CYFIP1: variants seen among roughly 807,000 people sequenced by gnomAD.
CYFIP1 encodes the protein cytoplasmic FMR1 interacting protein 1.
CYFIP1 carries 58 observed loss-of-function variants against 163.5 expected under a neutral mutation model. The observed-to-expected ratio is 0.35, with a 90% confidence interval of 0.29 to 0.44. CYFIP1 has a LOEUF of 0.44. Among genes scored for constraint, CYFIP1 ranks in the 20% least tolerant of loss-of-function variants. CYFIP1 has a pLI of 1.00. For synonymous variants in CYFIP1, 663 were observed against 660.7 expected (o/e 1.00, Z -0.05); for missense variants, 1,338 against 1,653.8 (o/e 0.81, Z 3.31).
intron 1 of CYFIP1, among the ~76,000 whole-genome samples, chr15:22,959,677 C>T (rs989106781): frequency 2.0e-5 from 3 of 152,192 alleles, no homozygotes; most frequent in Admixed American, 1.3e-4. Context: ...AACTGGCTGC[C>T]ACCCACCTTG....
chr15:22,875,272 C>CT lies in CYFIP1; in HGVS notation c.3043-2dup, dbSNP rs773475303. The CT allele has an allele frequency of 6.2e-7, 1 of 1,613,992 alleles. No homozygotes were observed. The highest frequency in any genetic ancestry group is 1.3e-5 in the African/African-American group (1 of 75,048). On this transcript the variant is annotated splice_acceptor_variant, in intron 26 of 30. Coordinates refer to ENST00000617928, the MANE Select transcript of CYFIP1 (RefSeq NM_014608.6). LOFTEE classifies it high-confidence loss of function. ...GCAGGTCACACACTTCTTCTAAAGA[C>CT]TAGAGCAGAGAAAGAGAGGGTCAAG...
intron 23 of CYFIP1, among the ~76,000 whole-genome samples, chr15:22,886,748 A>C (rs1166587291): frequency 6.6e-6 from 1 of 152,112 alleles, no homozygotes; most frequent in Non-Finnish European, 1.5e-5. Context: ...AAAAACGTAT[A>C]TATTCTGCTG....
rs771436053 is a variant in CYFIP1, at chr15:22,882,928, A to G, written c.2760T>C (p.Leu920=). 6.2e-7 allele frequency: 1 copy of G among 1,613,968 alleles called. No individual in the cohort carries two copies. The highest frequency in any genetic ancestry group is 8.5e-7 in the Non-Finnish European group (1 of 1,179,976). Residue 920 remains leucine, a synonymous_variant, in exon 24 of 31, where the codon CTT becomes CTC. Coordinates refer to ENST00000617928, the MANE Select transcript of CYFIP1 (RefSeq NM_014608.6). The part of the protein sequence containing the change: ...GPPHFQVICR[L]LGYQGIAVVM... ...CCACGGCGATACCCTGGTAGCCGAG[A>G]AGCCGGCAGATGACTTGAAAGTGTG...
intron 15 of CYFIP1, 131 bp from the exon 16 acceptor site, chr15:22,916,761 C>T (rs769605943): frequency 3.1e-6 from 5 of 1,605,968 alleles, no homozygotes; most frequent in Non-Finnish European, 4.3e-6. Context: ...CACCAGCTCC[C>T]CGAGGGGTCC....
intron 22 of CYFIP1, among the ~76,000 whole-genome samples, chr15:22,893,575 A>G (rs1368221881): frequency 6.6e-6 from 1 of 152,216 alleles, no homozygotes; most frequent in Non-Finnish European, 1.5e-5. Flanking sequence ...TGGATTTGCT[A>G]ATTATGTAAT....
At chr15:22,963,823 C>T (rs564159183) in intron 1 of CYFIP1, among the ~76,000 whole-genome samples, 1 of 152,220 alleles carries the variant, frequency 6.6e-6, no homozygotes, top group South Asian at 2.1e-4. Flanking sequence ...AGCTTTTAAC[C>T]CCCAGTTGTG....
chr15:22,894,695 CTATGA>C (rs922656779), intron 22 of CYFIP1, among the ~76,000 whole-genome samples: 20 of 151,344 alleles, frequency 1.3e-4, no homozygotes, highest in Non-Finnish European at 2.5e-4. Context: ...TTTATTTTGT[CTATGA>C]TATAACTCAG....
chr15:22,920,898 A>T (rs1770242829), intron 13 of CYFIP1, among the ~76,000 whole-genome samples: 1 of 152,232 alleles, frequency 6.6e-6, no homozygotes, highest in South Asian at 2.1e-4. Context: ...TTAAGTGAAC[A>T]TAACAATCCT....
chr15:22,867,305 T>A lies in CYFIP1; in HGVS notation c.*2723A>T. 2.5e-6 allele frequency: 1 copy of A among 398,354 alleles called. No homozygotes were observed. 24.7% of individuals were successfully genotyped at this position (398,354 alleles called of 1,614,324 possible). On this transcript the variant is annotated 3_prime_UTR_variant, in exon 31 of 31. Transcript: ENST00000617928. ...CTTACCTACAAAAGTGGCTCCTGTT[T>A]GTTTGATGATGATTGGTTTTATTTT... is the stretch of plus-strand genomic sequence containing the variant.
At chr15:22,932,891 G>A (rs933876717) in intron 10 of CYFIP1, among the ~76,000 whole-genome samples, 9 of 152,054 alleles carry the variant, frequency 5.9e-5, no homozygotes, top group African/African-American at 1.9e-4. Context: ...CTGCAGTGGT[G>A]CAATCTTGGT....
Position 22,868,953 on chromosome 15 carries a change from G to C in CYFIP1, c.*1075C>G, listed in dbSNP as rs1452915754. On this transcript the variant is annotated 3_prime_UTR_variant, in exon 31 of 31. Coordinates refer to ENST00000617928, the MANE Select transcript of CYFIP1 (RefSeq NM_014608.6). ...TCCATTCAGTTAGTTAGGATTTTCA[G>C]AACCTCATTGCCTTAGTACTTTTTA... The C allele has an allele frequency of 6.6e-6, 1 of 152,054 alleles. No individual in the cohort carries two copies. Among genetic ancestry groups the C allele is most frequent in the Non-Finnish European group, 1.5e-5 (1 of 68,018 alleles). 9.4% of individuals were successfully genotyped at this position (152,054 alleles called of 1,614,324 possible).
At chr15:22,872,672 T>C (rs1336178744) in intron 30 of CYFIP1, 153 bp downstream of exon 30, 2 of 705,828 alleles carry the variant, frequency 2.8e-6, no homozygotes, top group Admixed American at 2.9e-5. Flanking sequence ...GCCAATTATA[T>C]TTAGATTCAT....
At chr15:22,875,090 G>C (rs2059544161) in intron 27 of CYFIP1, 109 bp downstream of exon 27, 2 of 992,682 alleles carry the variant, frequency 2.0e-6, no homozygotes, top group Non-Finnish European at 3.2e-6. Context: ...TGACTGAACA[G>C]GCGCCAAACC....
Position 22,918,927 on chromosome 15 carries a change from T to C in CYFIP1, c.1360-69A>G. 5 of 1,261,004 alleles carry C rather than the reference T, an allele frequency of 4.0e-6. No homozygotes were observed. The South Asian group carries it at 7.2e-5, about 18-fold the overall frequency. The allele number at this position is 1,261,004 out of a possible 1,614,324, so 78.1% of individuals were successfully genotyped here. A position where few individuals can be genotyped will look rare whatever the true frequency, so the allele number is the denominator to read the frequency against. Reference sequence around the variant, plus strand: ...CACCAAGCCTCCTCTGCCTGGCACATGCCGGGGGCTGCTCCTCCTCGCCCA... The same window carrying C: ...CACCAAGCCTCCTCTGCCTGGCACACGCCGGGGGCTGCTCCTCCTCGCCCA... On this transcript the variant is annotated intron_variant, in intron 13 of 30. Coordinates refer to ENST00000617928, the MANE Select transcript of CYFIP1 (RefSeq NM_014608.6).
In CYFIP1 at chr15:22,933,807, T is replaced by A; in HGVS notation, c.987A>T (p.Lys329Asn). ...CAGCTTTCCTCTCCTCCTACCGAGA[T>A]TTATTTTCCTCGTAGTGGGCGCTGG... is the stretch of plus-strand genomic sequence containing the variant. Reference protein sequence around the residue: ...IKTSAHYEENKSRWTCTSSGS... With the variant: ...IKTSAHYEENNSRWTCTSSGS... Residue 329 changes from lysine (K) to asparagine (N), a missense_variant, in exon 10 of 31, where the codon AAA (lysine) becomes AAT (asparagine). Around this residue, in one of 4 missense-constraint regions of CYFIP1, gnomAD observed 824 missense variants for 995.7 expected, o/e 0.83. Transcript: ENST00000617928. 5.6e-6 allele frequency: 9 copies of A among 1,612,534 alleles called. No homozygotes were observed. The highest frequency in any genetic ancestry group is 7.6e-6 in the Non-Finnish European group (9 of 1,179,304).
chr15:22,871,633 G>C (rs1488537798), intron 30 of CYFIP1, among the ~76,000 whole-genome samples: 2 of 152,168 alleles, frequency 1.3e-5, no homozygotes, highest in Non-Finnish European at 2.9e-5. Context: ...AGAGTATCTG[G>C]GGTTGTCCAG....
chr15:22,941,819 A>C (rs78308143), intron 6 of CYFIP1, among the ~76,000 whole-genome samples: 12 of 152,102 alleles, frequency 7.9e-5, no homozygotes, highest in Non-Finnish European at 1.8e-4. Context: ...GAAAAAAAAA[A>C]CAACAACACA....
chr15:22,877,673 C>A (rs1166225152), intron 26 of CYFIP1, among the ~76,000 whole-genome samples: 1 of 152,194 alleles, frequency 6.6e-6, no homozygotes, highest in Non-Finnish European at 1.5e-5. Flanking sequence ...CCATCTTGTA[C>A]CCCTCACACT....
Position 22,957,584 on chromosome 15 carries a change from C to T in CYFIP1, c.-6-10293G>A, listed in dbSNP as rs999676089. Among the ~76,000 whole-genome samples the T allele has an allele frequency of 2.4e-4, 36 of 152,168 alleles. 1 individual carries two copies. Among genetic ancestry groups the T allele is most frequent in the Non-Finnish European group, 4.0e-4 (27 of 68,004 alleles). On this transcript the variant is annotated intron_variant, in intron 1 of 30. Coordinates refer to ENST00000617928, the MANE Select transcript of CYFIP1 (RefSeq NM_014608.6). ...CCAGGAGGCGGAGCTTGCAGTGAGC[C>T]GAGATCGTGTCACTGCACTCCAGCC...
Sources: gnomAD v4.1 joint callset for allele counts (sites outside exome capture counted in the v4.1 genomes callset) on GRCh38, gnomAD v4.1.1 for gene constraint, gnomAD v4.1.1 regional missense constraint, MANE v1.5 for transcripts, NCBI Gene and HGNC (gene_info 2026-07-23, HGNC 2026-07-21) for gene names.